The following ROBO2 variants were observed in gnomAD, a reference collection of about 807,000 sequenced individuals.
ROBO2 encodes roundabout homolog 2.
Under a neutral mutation model 160.8 loss-of-function variants are expected in ROBO2, and 53 were observed. That is an observed-to-expected ratio of 0.33 (90% confidence interval 0.26 to 0.41). The LOEUF (loss-of-function observed/expected upper bound fraction) is 0.41, where lower values mean the gene tolerates loss of function less well. ROBO2 is among the 10% of genes least tolerant of loss of function. The probability of loss-of-function intolerance (pLI) is 1.00; values close to 1 mark genes in which losing one functional copy is unlikely to be tolerated. For synonymous variants in ROBO2, 664 were observed against 611.7 expected (o/e 1.09, Z -1.26); for missense variants, 1,577 against 1,722.4 (o/e 0.92, Z 1.49).
At chr3:75,939,433 G>A (rs1947940209) in intron 2 of ROBO2, among the ~76,000 whole-genome samples, 1 of 151,874 alleles carries the variant, frequency 6.6e-6, no homozygotes, top group South Asian at 2.1e-4. Context: ...CTTTCATTGG[G>A]GACCATCATT....
chr3:77,064,506 A>AT (rs1438167763), intron 1 of ROBO2, among the ~76,000 whole-genome samples: 3 of 151,896 alleles, frequency 2.0e-5, no homozygotes, highest in African/African-American at 7.2e-5. Context: ...GATTACAGGC[A>AT]TGCACCACCA....
At chr3:76,803,442 T>G (rs1286462059) in intron 2 of ROBO2, among the ~76,000 whole-genome samples, 5 of 101,224 alleles carry the variant, frequency 4.9e-5, no homozygotes, top group East Asian at 6.4e-4. Context: ...GGAGGAAGGA[T>G]GGAGGGAAGG....
At chr3:76,261,541 C>T (rs1706764786) in intron 2 of ROBO2, among the ~76,000 whole-genome samples, 1 of 151,754 alleles carries the variant, frequency 6.6e-6, no homozygotes, top group Non-Finnish European at 1.5e-5. Context: ...CACCCCATCT[C>T]CAACATGCCC....
chr3:77,160,595 A>G (rs375873651), intron 2 of ROBO2, among the ~76,000 whole-genome samples: 6 of 152,208 alleles, frequency 3.9e-5, no homozygotes, highest in African/African-American at 1.2e-4. Context: ...ATTCTGTTCT[A>G]TAAACTGATA....
intron 2 of ROBO2, among the ~76,000 whole-genome samples, chr3:76,305,887 G>T (rs2071321370): frequency 6.6e-6 from 1 of 151,910 alleles, no homozygotes; most frequent in African/African-American, 2.4e-5. Flanking sequence ...GATCAGACAA[G>T]CTGAGGATTG....
At chr3:76,418,115 G>GA (rs571364315) in intron 2 of ROBO2, among the ~76,000 whole-genome samples, 2 of 151,376 alleles carry the variant, frequency 1.3e-5, no homozygotes, top group African/African-American at 4.8e-5. Flanking sequence ...CTATATTAAA[G>GA]AAAAAAACAA....
chr3:77,342,430 T>C (rs575625109), intron 2 of ROBO2, among the ~76,000 whole-genome samples: 1 of 152,064 alleles, frequency 6.6e-6, no homozygotes, highest in Non-Finnish European at 1.5e-5. Context: ...ATTGCAAGAG[T>C]TGATTTTTAG....
chr3:76,552,788 A>G (rs569484798), intron 2 of ROBO2, among the ~76,000 whole-genome samples: 42 of 152,324 alleles, frequency 2.8e-4, no homozygotes, highest in African/African-American at 9.1e-4. Context: ...CCAACCACTG[A>G]AAGTAGTTCC....
chr3:77,526,611 A>G (rs955294567), intron 6 of ROBO2, among the ~76,000 whole-genome samples: 4 of 151,574 alleles, frequency 2.6e-5, no homozygotes, highest in Non-Finnish European at 5.9e-5. Context: ...TATGAAGCCC[A>G]TGTGTATCTC....
At chr3:77,381,077 A>G (rs1041250267) in intron 2 of ROBO2, among the ~76,000 whole-genome samples, 3 of 152,188 alleles carry the variant, frequency 2.0e-5, no homozygotes, top group Admixed American at 6.5e-5. Flanking sequence ...GCACTTTGGG[A>G]GGCCTAGGCG....
chr3:76,134,210 C>T (rs1429514390), intron 2 of ROBO2, among the ~76,000 whole-genome samples: 1 of 152,030 alleles, frequency 6.6e-6, no homozygotes, highest in Non-Finnish European at 1.5e-5. Flanking sequence ...TACTAAAAGA[C>T]ACGAGGAATT....
At chr3:77,547,885 C>A (rs1349998022) in intron 7 of ROBO2, among the ~76,000 whole-genome samples, 2 of 151,994 alleles carry the variant, frequency 1.3e-5, no homozygotes, top group Admixed American at 1.3e-4. Context: ...CTTTAAAATT[C>A]TTTTCAGATG....
intron 15 of ROBO2, among the ~76,000 whole-genome samples, chr3:77,578,680 A>G (rs1194705634): frequency 6.6e-6 from 1 of 152,124 alleles, no homozygotes; most frequent in Non-Finnish European, 1.5e-5. Context: ...ACATAAGAAT[A>G]AATGCTTTTA....
At chr3:76,556,017 T>C (rs1224756350) in intron 2 of ROBO2, among the ~76,000 whole-genome samples, 1 of 151,994 alleles carries the variant, frequency 6.6e-6, no homozygotes, top group Non-Finnish European at 1.5e-5. Context: ...CTTGATCACT[T>C]TGAACTCAGG....
chr3:77,257,202 A>C (rs2058474187), intron 2 of ROBO2, among the ~76,000 whole-genome samples: 1 of 152,210 alleles, frequency 6.6e-6, no homozygotes, highest in Admixed American at 6.5e-5. Context: ...AAATACACAT[A>C]GTATAAAAAA....
intron 2 of ROBO2, among the ~76,000 whole-genome samples, chr3:76,742,177 A>G (rs112081204): frequency 1.2e-3 from 185 of 152,260 alleles, no homozygotes; most frequent in African/African-American, 4.2e-3. Flanking sequence ...ATCAACAGAG[A>G]TGCTATATAC....
intron 2 of ROBO2, among the ~76,000 whole-genome samples, chr3:77,007,539 T>A (rs1216321882): frequency 6.6e-6 from 1 of 152,124 alleles, no homozygotes; most frequent in African/African-American, 2.4e-5. Context: ...CAGTTTACTT[T>A]TTAAACAAAG....
intron 2 of ROBO2, among the ~76,000 whole-genome samples, chr3:76,822,677 A>C (rs1326448222): frequency 1.3e-5 from 2 of 151,736 alleles, no homozygotes. Context: ...ATAGTAGGAG[A>C]ACAGGACCAT....
chr3:77,302,121 C>G (rs911460688), intron 2 of ROBO2, among the ~76,000 whole-genome samples: 2 of 146,384 alleles, frequency 1.4e-5, no homozygotes, highest in African/African-American at 5.1e-5. Flanking sequence ...TTTTTTTTTT[C>G]CATAGAAATA....
Sources: allele counts gnomAD v4.1 joint callset (sites outside exome capture counted in the v4.1 genomes callset), GRCh38; gene constraint gnomAD v4.1.1; transcripts MANE v1.5; gene names NCBI Gene and HGNC (gene_info 2026-07-23, HGNC 2026-07-21).